Variants in PIAS1 observed in about 807,000 individuals in gnomAD.
PIAS1 encodes protein inhibitor of activated STAT 1, also known as E3 SUMO-protein ligase PIAS1.
PIAS1 carries 6 observed loss-of-function variants against 71.3 expected under a neutral mutation model. That is an observed-to-expected ratio of 0.08 (90% CI 0.05 to 0.17). The LOEUF (loss-of-function observed/expected upper bound fraction) is 0.17, where lower values mean the gene tolerates loss of function less well. PIAS1 is among the 10% of genes least tolerant of loss of function. PIAS1 has a pLI of 1.00. For missense variants in PIAS1, 555 were observed against 793.6 expected (o/e 0.70, Z 3.61); for synonymous variants, 303 against 292.9 (o/e 1.03, Z -0.35).
At chr15:68,156,751 A>C in intron 7 of PIAS1, among the ~76,000 whole-genome samples, 1 of 151,498 alleles carries the variant, frequency 6.6e-6, no homozygotes. Context: ...GAGAGCGCCA[A>C]GAAGGAGGGT....
rs559873623 is a variant in PIAS1 at position 68,054,371 on chromosome 15, A to T, written c.24+21A>T. 2 of 1,566,146 alleles carry T rather than the reference A, an allele frequency of 1.3e-6. No individual in the cohort carries two copies. Among genetic ancestry groups the T allele is most frequent in the African/African-American group, 1.4e-5 (1 of 73,358 alleles). On this transcript the variant is annotated intron_variant, in intron 1 of 13. Coordinates refer to ENST00000249636, the MANE Select transcript of PIAS1 (RefSeq NM_016166.3). This position sits in a 1 kb window ranked among gnomAD's most constrained non-coding sequence, Gnocchi z 4.6. Reference sequence around the variant, plus strand: ...TAAAGGTAAAGCGCAGCTCGAATTCACTTCTAATATTCGGCCGCGGAGACG... The same window carrying T: ...TAAAGGTAAAGCGCAGCTCGAATTCTCTTCTAATATTCGGCCGCGGAGACG...
At chr15:68,101,039 C>T (rs113420441) in intron 2 of PIAS1, among the ~76,000 whole-genome samples, 15 of 151,952 alleles carry the variant, frequency 9.9e-5, no homozygotes, top group Non-Finnish European at 1.9e-4. Context: ...GTCAGGACTA[C>T]AGGCACACGC....
At chr15:68,057,422 A>G (rs1268742127) in intron 1 of PIAS1, 1 of 399,788 alleles carries the variant, frequency 2.5e-6, no homozygotes, top group Non-Finnish European at 4.8e-6. Flanking sequence ...TTAAAAAAAA[A>G]TATGTGTTTT....
At position 68,193,332 on chromosome 15, in the gene PIAS1, G is replaced by C. The variant is rs1040319319; in HGVS notation, c.*5497G>C. 1.3e-5 allele frequency: 2 copies of C among 152,332 alleles called. No homozygotes were observed. Among genetic ancestry groups the C allele is most frequent in the Admixed American group, 1.3e-4 (2 of 15,290 alleles). The allele number at this position is 152,332 out of a possible 1,614,324, so 9.4% of individuals were successfully genotyped here. A position where few individuals can be genotyped will look rare whatever the true frequency, so the allele number is the denominator to read the frequency against. ...GCTCTTCCTGCTCTCAGCTGATGCT[G>C]CCTCATTGTAGCATGTGTTTTCACT... On this transcript the variant is annotated 3_prime_UTR_variant, in exon 14 of 14. Coordinates refer to ENST00000249636, the MANE Select transcript of PIAS1 (RefSeq NM_016166.3).
rs2093102958 is a variant in PIAS1, at chr15:68,188,596, A to G, written c.*761A>G. ...ATCCCAATTGCATGTTCTCCATCAC[A>G]TATTCTCTTATTTGCTCTGTACCCC... On this transcript the variant is annotated 3_prime_UTR_variant, in exon 14 of 14. Coordinates refer to ENST00000249636, the MANE Select transcript of PIAS1 (RefSeq NM_016166.3). 6.6e-6 allele frequency: 1 copy of G among 152,212 alleles called. No individual in the cohort carries two copies. The highest frequency in any genetic ancestry group is 2.4e-5 in the African/African-American group (1 of 41,436). 9.4% of individuals were successfully genotyped at this position (152,212 alleles called of 1,614,324 possible). A position where few individuals can be genotyped will look rare whatever the true frequency, so the allele number is the denominator to read the frequency against.
chr15:68,175,627 T>C lies in PIAS1; in HGVS notation c.1170-10T>C. The C allele has an allele frequency of 7.1e-7, 1 of 1,415,276 alleles. No individual in the cohort carries two copies. Among genetic ancestry groups the C allele is most frequent in the Non-Finnish European group, 9.5e-7 (1 of 1,052,780 alleles). The allele number at this position is 1,415,276 out of a possible 1,614,324, so 87.7% of individuals were successfully genotyped here. A position where few individuals can be genotyped will look rare whatever the true frequency, so the allele number is the denominator to read the frequency against. On this transcript the variant is annotated splice_polypyrimidine_tract_variant and intron_variant, in intron 9 of 13. Coordinates refer to ENST00000249636, the MANE Select transcript of PIAS1 (RefSeq NM_016166.3). ...AAAATATATTCTAAGGATGAATTGTTTTCTTATAGCTTGTTTATGGAAATC... is the reference window on the plus strand; with the variant it reads ...AAAATATATTCTAAGGATGAATTGTCTTCTTATAGCTTGTTTATGGAAATC...
At chr15:68,183,086 T>TA (rs2093065926) in intron 12 of PIAS1, among the ~76,000 whole-genome samples, 1 of 152,204 alleles carries the variant, frequency 6.6e-6, no homozygotes, top group Admixed American at 6.5e-5. Flanking sequence ...TCTTATGTAA[T>TA]AGTAGCCAGT....
At chr15:68,079,973 C>T (rs1266962472) in intron 1 of PIAS1, among the ~76,000 whole-genome samples, 1 of 152,124 alleles carries the variant, frequency 6.6e-6, no homozygotes, top group Admixed American at 6.6e-5. Context: ...GCTAGGATTA[C>T]AGGCATGCAC....
At chr15:68,150,470 T>C (rs2092837068) in intron 6 of PIAS1, among the ~76,000 whole-genome samples, 2 of 152,232 alleles carry the variant, frequency 1.3e-5, no homozygotes, top group Admixed American at 6.5e-5. Context: ...TAATTCAGCT[T>C]GTGAAGATAT....
chr15:68,085,604 C>T (rs1404087595), intron 1 of PIAS1, among the ~76,000 whole-genome samples: 2 of 152,246 alleles, frequency 1.3e-5, no homozygotes, highest in Middle Eastern at 3.4e-3. Context: ...GGGTTTGAAT[C>T]CTGACTACTC....
At chr15:68,162,293 GATCTATAAT>G (rs2092929636) in intron 7 of PIAS1, among the ~76,000 whole-genome samples, 1 of 152,106 alleles carries the variant, frequency 6.6e-6, no homozygotes, top group Non-Finnish European at 1.5e-5. Flanking sequence ...TTGATACTAT[GATCTATAAT>G]ATTGCTTCAT....
chr15:68,071,931 G>C (rs2092101359), intron 1 of PIAS1, among the ~76,000 whole-genome samples: 1 of 151,988 alleles, frequency 6.6e-6, no homozygotes, highest in Admixed American at 6.6e-5. Context: ...CTGGGTGACA[G>C]AGTGAGACCC....
At chr15:68,065,945 G>A (rs1186216481) in intron 1 of PIAS1, among the ~76,000 whole-genome samples, 1 of 27,792 alleles carries the variant, frequency 3.6e-5, no homozygotes, top group Non-Finnish European at 7.9e-5. Context: ...TTTTTTTTTG[G>A]AGATAGGGTC....
At position 68,141,937 on chromosome 15, in the gene PIAS1, C is replaced by A; in HGVS notation, c.470-9C>A. The A allele has an allele frequency of 6.4e-7, 1 of 1,569,578 alleles. No individual in the cohort carries two copies. Among genetic ancestry groups the A allele is most frequent in the Non-Finnish European group, 8.7e-7 (1 of 1,151,874 alleles). ...AGGTAATTGAAAGTATAATTCTTGTCTTCTTTAGCATCAGACAACAGTCAG... is the reference window on the plus strand; with the variant it reads ...AGGTAATTGAAAGTATAATTCTTGTATTCTTTAGCATCAGACAACAGTCAG... On this transcript the variant is annotated splice_polypyrimidine_tract_variant and intron_variant, in intron 2 of 13. Coordinates refer to ENST00000249636, the MANE Select transcript of PIAS1 (RefSeq NM_016166.3).
At chr15:68,110,631 G>A (rs985567757) in intron 2 of PIAS1, among the ~76,000 whole-genome samples, 6 of 151,900 alleles carry the variant, frequency 3.9e-5, no homozygotes, top group African/African-American at 1.2e-4. Flanking sequence ...GCATGGTGGT[G>A]CGTGCCTGTA....
At chr15:68,128,925 A>AT (rs1350576619) in intron 2 of PIAS1, among the ~76,000 whole-genome samples, 1 of 152,052 alleles carries the variant, frequency 6.6e-6, no homozygotes, top group Non-Finnish European at 1.5e-5. Context: ...AATAGAAATA[A>AT]TTTTTTTTCT....
chr15:68,177,811 C>T (rs1014619655), intron 11 of PIAS1, among the ~76,000 whole-genome samples: 1 of 152,184 alleles, frequency 6.6e-6, no homozygotes, highest in Non-Finnish European at 1.5e-5. Flanking sequence ...ACAATTGTAG[C>T]ACACTAATTG....
chr15:68,105,900 A>G (rs1435814129), intron 2 of PIAS1, among the ~76,000 whole-genome samples: 1 of 152,182 alleles, frequency 6.6e-6, no homozygotes, highest in African/African-American at 2.4e-5. Context: ...TTATAGCCCC[A>G]CATAGGTTAG....
intron 1 of PIAS1, among the ~76,000 whole-genome samples, chr15:68,067,149 A>G (rs185000507): frequency 1.5e-4 from 23 of 152,286 alleles, no homozygotes; most frequent in African/African-American, 4.8e-4. Context: ...CAGTTGTTCC[A>G]GTAATCCTCT....
Sources: allele counts gnomAD v4.1 joint callset (sites outside exome capture counted in the v4.1 genomes callset), GRCh38; gene constraint gnomAD v4.1.1; non-coding constraint Gnocchi (gnomAD v3.1); transcripts MANE v1.5; gene names NCBI Gene and HGNC (gene_info 2026-07-23, HGNC 2026-07-21).